The following RAB3B variants were observed in gnomAD, a reference collection of about 807,000 sequenced individuals.
RAB3B encodes the protein ras-related protein Rab-3B.
In RAB3B, 11 loss-of-function variants were observed where a neutral mutation model predicts 20.5. That is an observed-to-expected ratio of 0.54 (90% CI 0.34 to 0.89). RAB3B has a LOEUF of 0.89. Ranked by LOEUF, RAB3B falls within the 40% of genes least tolerant of loss-of-function variation. RAB3B has a pLI of 0.02. For synonymous variants in RAB3B, 99 were observed against 106.3 expected, an observed-to-expected ratio of 0.93 and a Z score of 0.42; for missense variants, 225 against 280.9, an observed-to-expected ratio of 0.80 and a Z score of 1.42.
chr1:51,909,656 C>T lies in RAB3B; in HGVS notation c.*10271G>A, dbSNP rs998744549. On this transcript the variant is annotated 3_prime_UTR_variant, in exon 5 of 5. Coordinates refer to ENST00000371655, the MANE Select transcript of RAB3B (RefSeq NM_002867.4). ...TGGCAGACCCTACTTTAACCCAGCC[C>T]AACAAGGTCATGCTACAGAGCTGCT... 1 of 152,202 alleles carries T rather than the reference C, an allele frequency of 6.6e-6. No individual in the cohort carries two copies. The highest frequency in any genetic ancestry group is 6.5e-5 in the Admixed American group (1 of 15,268). 9.4% of individuals were successfully genotyped at this position (152,202 alleles called of 1,614,324 possible).
Position 51,909,012 on chromosome 1 carries a change from C to CCCAGCA in RAB3B, c.*10914_*10915insTGCTGG, listed in dbSNP as rs1683961309. The stretch of plus-strand genomic sequence containing the variant: ...ACTCTCCTGCCTGCTCCTCCTGGGC[C>CCCAGCA]CCAGCCCCAGCCCCATCACAGCTCA... On this transcript the variant is annotated 3_prime_UTR_variant, in exon 5 of 5. Transcript: ENST00000371655. The CCCAGCA allele has an allele frequency of 6.6e-6, 1 of 152,554 alleles. No individual in the cohort carries two copies. The highest frequency in any genetic ancestry group is 2.4e-5 in the African/African-American group (1 of 41,444). 9.5% of individuals were successfully genotyped at this position (152,554 alleles called of 1,614,324 possible). A position where few individuals can be genotyped will look rare whatever the true frequency, so the allele number is the denominator to read the frequency against.
intron 1 of RAB3B, among the ~76,000 whole-genome samples, chr1:51,986,512 C>T (rs1685154301): frequency 6.6e-6 from 1 of 152,048 alleles, no homozygotes; most frequent in Non-Finnish European, 1.5e-5. Context: ...ACTTGGGAGG[C>T]TGAGGCTGGA....
intron 2 of RAB3B, among the ~76,000 whole-genome samples, chr1:51,957,463 G>C (rs1423121988): frequency 6.6e-6 from 1 of 152,184 alleles, no homozygotes; most frequent in Non-Finnish European, 1.5e-5. Context: ...GGATTTTGGG[G>C]TCAAGCAAAT....
chr1:51,932,526 T>C (rs995505264), intron 4 of RAB3B, among the ~76,000 whole-genome samples: 1 of 152,106 alleles, frequency 6.6e-6, no homozygotes, highest in Non-Finnish European at 1.5e-5. Flanking sequence ...GATCAAAATA[T>C]GTTAAGCTTG....
At chr1:51,955,633 C>T (rs1684697870) in intron 2 of RAB3B, among the ~76,000 whole-genome samples, 1 of 152,180 alleles carries the variant, frequency 6.6e-6, no homozygotes, top group Non-Finnish European at 1.5e-5. Flanking sequence ...CTCCCGACCT[C>T]AAGTGATCCG....
chr1:51,958,149 T>A (rs1289137363), intron 2 of RAB3B, among the ~76,000 whole-genome samples: 1 of 152,204 alleles, frequency 6.6e-6, no homozygotes, highest in Non-Finnish European at 1.5e-5. Flanking sequence ...CAGCATTTAA[T>A]TGTTGACTGA....
chr1:51,957,803 C>T (rs1684727708), intron 2 of RAB3B, among the ~76,000 whole-genome samples: 1 of 152,178 alleles, frequency 6.6e-6, no homozygotes, highest in Admixed American at 6.5e-5. Flanking sequence ...CTAGGAACCA[C>T]CTGAGCAAAC....
rs75202059 is a variant in RAB3B at position 51,960,800 on chromosome 1, C to T, written c.228+16090G>A. Among the ~76,000 whole-genome samples the T allele has an allele frequency of 9.7e-4, 148 of 152,262 alleles. No individual in the cohort carries two copies. The East Asian group carries it at 0.026, about 27-fold the overall frequency. Reference sequence around the variant, plus strand: ...ACTCCGCCTTGTAAGTCCTGTGGCTCGCAATCTTAAAGTGGTGGTAACCCT... The same window carrying T: ...ACTCCGCCTTGTAAGTCCTGTGGCTTGCAATCTTAAAGTGGTGGTAACCCT... On this transcript the variant is annotated intron_variant, in intron 2 of 4. Transcript: ENST00000371655.
chr1:51,971,583 C>T (rs142516686), intron 2 of RAB3B, among the ~76,000 whole-genome samples: 1 of 151,910 alleles, frequency 6.6e-6, no homozygotes, highest in Non-Finnish European at 1.5e-5. Context: ...CAGGAGCCTG[C>T]CACCACGCCC....
rs148866643 is a variant in RAB3B, at chr1:51,976,916, C to T, written c.202G>A (p.Glu68Lys). The change falls in exon 2 of 5, where the codon GAG becomes AAG. Residue 68 changes from glutamate to lysine, a missense_variant. Transcript: ENST00000371655. ...CAGATCTGCAGTTTCACCCGCTTCTCGTGACGGTAGACTGTCTTCACCTTG... is the reference window on the plus strand; with the variant it reads ...CAGATCTGCAGTTTCACCCGCTTCTTGTGACGGTAGACTGTCTTCACCTTG... ...DFKVKTVYRH[E>K]KRVKLQIWDT... The T allele has an allele frequency of 4.9e-5, 79 of 1,614,054 alleles. No individual in the cohort carries two copies. The highest frequency in any genetic ancestry group is 2.3e-4 in the African/African-American group (17 of 74,926).
intron 1 of RAB3B, chr1:51,980,440 A>C (rs1685071686): frequency 1.9e-6 from 1 of 517,198 alleles, no homozygotes; most frequent in Non-Finnish European, 3.5e-6. Flanking sequence ...AAAAAAAAAA[A>C]AAAACCTCCT....
chr1:51,982,189 G>T (rs1685096865), intron 1 of RAB3B, among the ~76,000 whole-genome samples: 1 of 152,148 alleles, frequency 6.6e-6, no homozygotes, highest in Admixed American at 6.5e-5. Context: ...AAGCTCAGGT[G>T]TGTGTATTTG....
In RAB3B at chr1:51,913,173, G is replaced by A. The variant is rs1057328976; in HGVS notation, c.*6754C>T. 1.3e-5 allele frequency: 2 copies of A among 152,066 alleles called. No homozygotes were observed. The highest frequency in any genetic ancestry group is 2.9e-5 in the Non-Finnish European group (2 of 68,000). 9.4% of individuals were successfully genotyped at this position (152,066 alleles called of 1,614,324 possible). A position where few individuals can be genotyped will look rare whatever the true frequency, so the allele number is the denominator to read the frequency against. On this transcript the variant is annotated 3_prime_UTR_variant, in exon 5 of 5. Coordinates refer to ENST00000371655, the MANE Select transcript of RAB3B (RefSeq NM_002867.4). Reference sequence around the variant, plus strand: ...AATGAGAAGTCAGATTCATCCCTCGGGGATAGCTAAGAGGTATCCAAATGG... The same window carrying A: ...AATGAGAAGTCAGATTCATCCCTCGAGGATAGCTAAGAGGTATCCAAATGG...
At chr1:51,976,057 C>G (rs996143179) in intron 2 of RAB3B, among the ~76,000 whole-genome samples, 8 of 152,036 alleles carry the variant, frequency 5.3e-5, no homozygotes, top group Admixed American at 3.9e-4. Flanking sequence ...AAGCCAACAT[C>G]TGGCTACACC....
In RAB3B at chr1:51,929,947, T is replaced by A. The variant is rs114533582; in HGVS notation, c.472+3371A>T. On this transcript the variant is annotated intron_variant, in intron 4 of 4. Transcript: ENST00000371655. ...TAAGTAAAATGTATTAATGAATATC[T>A]ACCCTATGCTGGGTCCTTAGGATAA... 4.7e-3 allele frequency among the ~76,000 whole-genome samples: 715 copies of A among 152,334 alleles called. 5 individuals carry two copies. Among genetic ancestry groups the A allele is most frequent in the African/African-American group, 0.016 (683 of 41,564 alleles).
rs564386413 is a variant in RAB3B at position 51,927,610 on chromosome 1, T to C, written c.472+5708A>G. ...GGGCCACACAGTGAAACCCCGTCTC[T>C]ACCAAAAAAGCAAGCAAACAAACAA... is the stretch of plus-strand genomic sequence containing the variant. On this transcript the variant is annotated intron_variant, in intron 4 of 4. Coordinates refer to ENST00000371655, the MANE Select transcript of RAB3B (RefSeq NM_002867.4). 4.6e-5 allele frequency among the ~76,000 whole-genome samples: 7 copies of C among 152,136 alleles called. No individual in the cohort carries two copies. In the South Asian group the frequency reaches 8.3e-4, roughly 18 times the overall value.
chr1:51,923,905 ACTT>A (rs895925571), intron 4 of RAB3B, among the ~76,000 whole-genome samples: 38 of 151,958 alleles, frequency 2.5e-4, no homozygotes, highest in Admixed American at 2.4e-3. Context: ...TCTTCACCTA[ACTT>A]CTTCTCATTC....
Position 51,919,912 on chromosome 1 carries a change from G to A in RAB3B, c.*15C>T. 6.2e-7 allele frequency: 1 copy of A among 1,606,480 alleles called. No individual in the cohort carries two copies. The highest frequency in any genetic ancestry group is 1.7e-5 in the Admixed American group (1 of 59,630). On this transcript the variant is annotated 3_prime_UTR_variant, in exon 5 of 5. Transcript: ENST00000371655. The stretch of plus-strand genomic sequence containing the variant: ...TGGGGCCACAATGAGGGGAGGTCAG[G>A]AAGGTGGGCCTTGCCTAGCATGAGC...
intron 1 of RAB3B, among the ~76,000 whole-genome samples, chr1:51,987,285 C>T (rs1360169869): frequency 6.6e-6 from 1 of 152,160 alleles, no homozygotes; most frequent in Non-Finnish European, 1.5e-5. Context: ...TTGCAAAGAA[C>T]ATGAGACTGA....
Sources: gnomAD v4.1 joint callset for allele counts (sites outside exome capture counted in the v4.1 genomes callset) on GRCh38, gnomAD v4.1.1 for gene constraint, MANE v1.5 for transcripts, NCBI Gene and HGNC (gene_info 2026-07-23, HGNC 2026-07-21) for gene names.